SAMD12: variants seen among roughly 807,000 people sequenced by gnomAD.
The protein encoded by SAMD12 is sterile alpha motif domain containing 12.
Under a neutral mutation model 15.0 loss-of-function variants are expected in SAMD12, and 9 were observed. The observed-to-expected ratio is 0.60, with a 90% CI of 0.36 to 1.05. The LOEUF (loss-of-function observed/expected upper bound fraction) is 1.05, where lower values mean the gene tolerates loss of function less well. Among genes scored for constraint, SAMD12 ranks in the 50% least tolerant of loss-of-function variants. The pLI, the probability that SAMD12 is intolerant of heterozygous loss-of-function variation, is 0.01. For missense variants in SAMD12, 230 were observed against 234.2 expected (o/e 0.98, Z 0.12); for synonymous variants, 86 against 90.1 (o/e 0.96, Z 0.25).
At chr8:118,200,048 C>A (rs935880404) in intron 4 of SAMD12, among the ~76,000 whole-genome samples, 3 of 152,146 alleles carry the variant, frequency 2.0e-5, no homozygotes, top group African/African-American at 7.2e-5. Context: ...CTCATGAGAT[C>A]TGATGGTTTT....
the SAMD12 span, among the ~76,000 whole-genome samples, chr8:118,162,006 A>G: frequency 6.6e-6 from 1 of 151,626 alleles, no homozygotes; most frequent in Non-Finnish European, 1.5e-5. Context: ...CTAAAAATAC[A>G]AAAATGAGCT....
Position 118,621,946 on chromosome 8 carries a change from G to T in SAMD12, c.-130C>A. 8.6e-7 allele frequency: 1 copy of T among 1,166,406 alleles called. No individual in the cohort carries two copies. The highest frequency in any genetic ancestry group is 1.5e-5 in the African/African-American group (1 of 66,510). The allele number at this position is 1,166,406 out of a possible 1,614,324, so 72.3% of individuals were successfully genotyped here. On this transcript the variant is annotated 5_prime_UTR_variant, in exon 1 of 4. Coordinates refer to ENST00000314727, the MANE Select transcript of SAMD12 (RefSeq NM_207506.3). ...ATCTGCTCCAGGACCAACCTGCCGC[G>T]GTCACGCAAAGCGAGGCAGCCGGCT...
intron 4 of SAMD12, among the ~76,000 whole-genome samples, chr8:118,246,593 T>C (rs956796146): frequency 2.0e-5 from 3 of 152,168 alleles, no homozygotes; most frequent in Non-Finnish European, 4.4e-5. Flanking sequence ...ATATTCCAGT[T>C]TGAGTTGGAC....
At chr8:118,220,077 T>C (rs1812051390) in intron 4 of SAMD12, among the ~76,000 whole-genome samples, 1 of 152,170 alleles carries the variant, frequency 6.6e-6, no homozygotes, top group Admixed American at 6.5e-5. Context: ...CTGAAAATGG[T>C]AATGCTTGCC....
chr8:118,551,262 A>C (rs1294473142), intron 2 of SAMD12, among the ~76,000 whole-genome samples: 5 of 150,732 alleles, frequency 3.3e-5, no homozygotes, highest in South Asian at 2.1e-4. Flanking sequence ...CCAAAACTGA[A>C]CACATAGTTG....
the SAMD12 span, among the ~76,000 whole-genome samples, chr8:118,133,517 T>C: frequency 2.0e-5 from 3 of 152,136 alleles, no homozygotes; most frequent in Non-Finnish European, 2.9e-5. Flanking sequence ...TTGATCTTCT[T>C]AATCCCGAGA....
intron 1 of SAMD12, among the ~76,000 whole-genome samples, chr8:118,614,960 G>T (rs1180459330): frequency 6.6e-6 from 1 of 152,186 alleles, no homozygotes; most frequent in Admixed American, 6.5e-5. Flanking sequence ...AGCTTTCCAC[G>T]CTTGCTCTTG....
the SAMD12 span, among the ~76,000 whole-genome samples, chr8:118,163,496 G>A: frequency 6.6e-6 from 1 of 152,332 alleles, no homozygotes; most frequent in South Asian, 2.1e-4. Flanking sequence ...ACTCATACTG[G>A]TTGTGCATTA....
At chr8:118,332,270 T>A (rs1816840744) in intron 4 of SAMD12, among the ~76,000 whole-genome samples, 1 of 152,244 alleles carries the variant, frequency 6.6e-6, no homozygotes, top group South Asian at 2.1e-4. Context: ...TGCAAAACTA[T>A]TTAATTCCCT....
chr8:118,145,036 A>G, the SAMD12 span, among the ~76,000 whole-genome samples: 6 of 152,236 alleles, frequency 3.9e-5, no homozygotes, highest in African/African-American at 1.4e-4. Flanking sequence ...TGCCAAATAA[A>G]TAGAGTCTAG....
chr8:118,570,200 T>G (rs1826969474), intron 2 of SAMD12, among the ~76,000 whole-genome samples: 1 of 151,942 alleles, frequency 6.6e-6, no homozygotes, highest in African/African-American at 2.4e-5. Flanking sequence ...AGGGCCTTAT[T>G]CAGGCAATCA....
chr8:118,467,789 G>T (rs896027386), intron 2 of SAMD12, among the ~76,000 whole-genome samples: 1 of 152,186 alleles, frequency 6.6e-6, no homozygotes, highest in Admixed American at 6.5e-5. Flanking sequence ...TACCCAGTAT[G>T]TTGATGACAG....
intron 1 of SAMD12, among the ~76,000 whole-genome samples, chr8:118,582,244 C>A (rs1827314172): frequency 6.6e-6 from 1 of 152,126 alleles, no homozygotes; most frequent in Non-Finnish European, 1.5e-5. Flanking sequence ...CCTAGACACA[C>A]CTTTCTTATG....
chr8:118,513,012 T>G (rs10098741), intron 2 of SAMD12, among the ~76,000 whole-genome samples: 54,190 of 135,432 alleles, frequency 0.4, 9,905 homozygotes, highest in Admixed American at 0.46. Flanking sequence ...TACTTATATT[T>G]TTTTTTTTTC....
At chr8:118,343,595 T>C (rs1487042966) in intron 4 of SAMD12, among the ~76,000 whole-genome samples, 3 of 152,174 alleles carry the variant, frequency 2.0e-5, no homozygotes, top group African/African-American at 7.2e-5. Flanking sequence ...TGTACATACA[T>C]AAACTTAAGA....
intron 1 of SAMD12, among the ~76,000 whole-genome samples, chr8:118,615,335 T>TA (rs1262102897): frequency 1.3e-5 from 2 of 152,202 alleles, no homozygotes; most frequent in Non-Finnish European, 2.9e-5. Flanking sequence ...CTTGCACTTT[T>TA]ATTTAGCACT....
intron 2 of SAMD12, among the ~76,000 whole-genome samples, chr8:118,519,716 GTGGTA>G (rs978108070): frequency 1.6e-4 from 24 of 152,172 alleles, no homozygotes; most frequent in African/African-American, 5.8e-4. Flanking sequence ...GATCTGCTTT[GTGGTA>G]TGGCCTTCAA....
At chr8:118,231,547 C>A (rs1812310374) in intron 4 of SAMD12, among the ~76,000 whole-genome samples, 2 of 152,146 alleles carry the variant, frequency 1.3e-5, no homozygotes, top group Non-Finnish European at 2.9e-5. Context: ...TGGTAGTTTG[C>A]AGTTCTTTAT....
intron 4 of SAMD12, among the ~76,000 whole-genome samples, chr8:118,315,835 G>A (rs141065003): frequency 3.7e-4 from 56 of 152,218 alleles, no homozygotes; most frequent in African/African-American, 1.3e-3. Context: ...TCTAGGGGGT[G>A]CTGGTTGGTG....
Sources: allele counts gnomAD v4.1 joint callset (sites outside exome capture counted in the v4.1 genomes callset), GRCh38; gene constraint gnomAD v4.1.1; transcripts MANE v1.5; gene names NCBI Gene and HGNC (gene_info 2026-07-23, HGNC 2026-07-21).